IPO4: variants seen among roughly 807,000 people sequenced by gnomAD.
IPO4 encodes importin-4.
In IPO4, 91 loss-of-function variants were observed where a neutral mutation model predicts 133.5. That is an observed-to-expected ratio of 0.68 (90% CI 0.58 to 0.81). The LOEUF is 0.81. IPO4 is among the 30% of genes least tolerant of loss of function. The pLI is 0.00. For missense variants in IPO4, 1,279 were observed against 1,386.2 expected, an observed-to-expected ratio of 0.92 and a Z score of 1.23; for synonymous variants, 607 against 581.6, an observed-to-expected ratio of 1.04 and a Z score of -0.63.
chr14:24,184,743 G>T lies in IPO4; in HGVS notation c.1543C>A (p.Leu515Met), dbSNP rs1488506418. The T allele has an allele frequency of 6.2e-7, 1 of 1,612,954 alleles. No individual in the cohort carries two copies. Among genetic ancestry groups the T allele is most frequent in the Non-Finnish European group, 8.5e-7 (1 of 1,179,500 alleles). Residue 515 changes from leucine (L) to methionine (M), a missense_variant, in exon 16 of 30, where the codon CTG becomes ATG. Leu to Met is a conservative substitution (Grantham distance 15). Around this residue, in one of 3 missense-constraint regions of IPO4, gnomAD observed 695 missense variants for 704.1 expected, o/e 0.99. Transcript: ENST00000354464. The part of the protein sequence containing the change: ...GAIATAAQAS[L>M]LPYFPAIMEH... ...ATGATGGCAGGGAAGTAGGGCAGCA[G>T]CGAGGCCTGGGCAGCCGTAGCTGCA...
In IPO4 at chr14:24,185,329, G is replaced by A. The variant is rs2039203729; in HGVS notation, c.1279-17C>T. On this transcript the variant is annotated splice_polypyrimidine_tract_variant and intron_variant, in intron 13 of 29. Coordinates refer to ENST00000354464, the MANE Select transcript of IPO4 (RefSeq NM_024658.4). ...GATATGGGGCTGGGGGAGGGAGCAA[G>A]CAGGGCCTGAGTCAGGTTCACCTGC... 3 of 1,613,914 alleles carry A rather than the reference G, an allele frequency of 1.9e-6. No individual in the cohort carries two copies. The highest frequency in any genetic ancestry group is 2.2e-5 in the East Asian group (1 of 44,888).
Position 24,180,398 on chromosome 14 carries a change from C to T in IPO4, c.*44G>A, listed in dbSNP as rs1226893167. On this transcript the variant is annotated 3_prime_UTR_variant, in exon 30 of 30. Coordinates refer to ENST00000354464, the MANE Select transcript of IPO4 (RefSeq NM_024658.4). ...ACTGGGCTGAGAGGTGGTCTTAAGG[C>T]CTGGGCAGGCTCTATTCTCTCTGGA... 5 of 1,585,756 alleles carry T rather than the reference C, an allele frequency of 3.2e-6. No individual in the cohort carries two copies. In the Admixed American group the frequency reaches 5.2e-5, roughly 17 times the overall value.
chr14:24,180,336 G>T lies in IPO4; in HGVS notation c.*106C>A. 1 of 1,507,442 alleles carries T rather than the reference G, an allele frequency of 6.6e-7. No homozygotes were observed. Among genetic ancestry groups the T allele is most frequent in the Non-Finnish European group, 8.9e-7 (1 of 1,120,914 alleles). The allele number at this position is 1,507,442 out of a possible 1,614,324, so 93.4% of individuals were successfully genotyped here. A position where few individuals can be genotyped will look rare whatever the true frequency, so the allele number is the denominator to read the frequency against. On this transcript the variant is annotated 3_prime_UTR_variant, in exon 30 of 30. Transcript: ENST00000354464. ...CAGCAAGTGGGGCTGGCTCCAAATG[G>T]GTATGAGTCTCAGAATCTTTGGTAA...
rs776015389 is a variant in IPO4 at position 24,186,149 on chromosome 14, C to T, written c.1039G>A (p.Glu347Lys). The part of the protein sequence containing the change: ...VDMLALHLPP[E>K]KLCPQLMPML... The stretch of plus-strand genomic sequence containing the variant: ...CTTACCAGCTGGGGACAGAGCTTCT[C>T]GGGGGGCAGGTGTAGTGCCAGCATG... The change falls in exon 11 of 30, where the codon GAG (glutamate) becomes AAG (lysine). Residue 347 changes from glutamate (E) to lysine (K), a missense_variant. Coordinates refer to ENST00000354464, the MANE Select transcript of IPO4 (RefSeq NM_024658.4). The T allele has an allele frequency of 1.4e-5, 23 of 1,613,794 alleles. No homozygotes were observed. The highest frequency in any genetic ancestry group is 6.7e-5 in the East Asian group (3 of 44,890).
chr14:24,182,083 T>A lies in IPO4; in HGVS notation c.2679A>T (p.Ser893=). 6.2e-7 allele frequency: 1 copy of A among 1,614,010 alleles called. No individual in the cohort carries two copies. The highest frequency in any genetic ancestry group is 8.5e-7 in the Non-Finnish European group (1 of 1,180,020). The change falls in exon 26 of 30, where the codon TCA becomes TCT. Residue 893 remains serine (S), a synonymous_variant. Transcript: ENST00000354464. ...AETIQGLGAA[S]AQFVSRLLPV... ...GGAGCAGCCGAGACACAAACTGGGC[T>A]GAGGCAGCACCCAGGCCCTGAATAG... is the stretch of plus-strand genomic sequence containing the variant.
At chr14:24,185,817 C>A (rs757873057) in intron 12 of IPO4, 44 bp downstream of exon 12, 37 of 1,439,222 alleles carry the variant, frequency 2.6e-5, no homozygotes, top group Non-Finnish European at 3.5e-5. Flanking sequence ...CAGCCATGGT[C>A]CTCCCTGTGG....
Position 24,186,436 on chromosome 14 carries a change from G to A in IPO4, c.856C>T (p.Arg286Cys), listed in dbSNP as rs764589628. 6.3e-6 allele frequency: 10 copies of A among 1,591,822 alleles called. No homozygotes were observed. Among genetic ancestry groups the A allele is most frequent in the South Asian group, 2.3e-5 (2 of 88,078 alleles). The change falls in exon 10 of 30, where the codon CGT becomes TGT. Residue 286 changes from arginine to cysteine, a missense_variant. This residue lies in a region of IPO4 where 695 missense variants were observed against 704.1 expected (regional missense o/e 0.99). Coordinates refer to ENST00000354464, the MANE Select transcript of IPO4 (RefSeq NM_024658.4). The part of the protein sequence containing the change: ...KVKSKALLKN[R>C]LLPPLLHTLF... ...GTGTGCAGCAAGGGTGGCAGGAGAC[G>A]ATTCTTCAGTAAGGCCTTGACAGAG...
rs1335727679 is a variant in IPO4 at position 24,188,382 on chromosome 14, G to T, written c.198C>A (p.Asn66Lys). 1.7e-5 allele frequency: 28 copies of T among 1,613,184 alleles called. No homozygotes were observed. The highest frequency in any genetic ancestry group is 2.4e-5 in the Non-Finnish European group (28 of 1,179,928). ...CCGCCGCCAGCCGTCGCCAGCGGGT[G>T]TTCAGTCGTCTGCGGGTCAGCACGG... is the stretch of plus-strand genomic sequence containing the variant. ...FAAVLTRRRLNTRWRRLAAEQ... is the reference protein window; with the variant it reads ...FAAVLTRRRLKTRWRRLAAEQ... The change falls in exon 3 of 30, where the codon AAC becomes AAA. Residue 66 changes from asparagine (N) to lysine (K), a missense_variant. Physicochemically the swap from Asn to Lys is moderately conservative, Grantham distance 94. Transcript: ENST00000354464.
intron 10 of IPO4, 25 bp downstream of exon 10, chr14:24,186,262 C>G (rs771160483): frequency 5.6e-6 from 9 of 1,602,696 alleles, no homozygotes; most frequent in Non-Finnish European, 7.7e-6. Flanking sequence ...AACACCTTCC[C>G]CCTCTGTCCT....
Position 24,188,578 on chromosome 14 carries a change from G to A in IPO4, c.130C>T (p.Leu44=), listed in dbSNP as rs1347351208. Residue 44 remains leucine (L), a synonymous_variant, in exon 2 of 30, where the codon CTG becomes TTG. Coordinates refer to ENST00000354464, the MANE Select transcript of IPO4 (RefSeq NM_024658.4). ...APAALPALCD[L]LASAADPQIR... ...TGGGGGTCGGCCGCCGAGGCTAGCA[G>A]GTCGCAGAGAGCCGGCAAAGCGGCG... is the stretch of plus-strand genomic sequence containing the variant. The A allele has an allele frequency of 6.2e-7, 1 of 1,613,144 alleles. No homozygotes were observed. The highest frequency in any genetic ancestry group is 8.5e-7 in the Non-Finnish European group (1 of 1,179,786).
In IPO4 at chr14:24,186,919, T is replaced by G. The variant is rs763348892; in HGVS notation, c.715A>C (p.Ile239Leu). The G allele has an allele frequency of 2.5e-5, 40 of 1,614,006 alleles. No individual in the cohort carries two copies. The highest frequency in any genetic ancestry group is 3.1e-5 in the Non-Finnish European group (36 of 1,180,024). ...AGGACTTCAGAGAGGTAGGGGGTGA[T>G]GACCGGCACCTCTGACTCCAACAGT... ...DELLESEVPV[I>L]TPYLSEVLTF... The change falls in exon 8 of 30, where the codon ATC becomes CTC. Residue 239 changes from isoleucine (I) to leucine (L), a missense_variant. Transcript: ENST00000354464.
chr14:24,183,081 C>T lies in IPO4; in HGVS notation c.2316G>A (p.Leu772=), dbSNP rs1350093635. The part of the protein sequence containing the change: ...ERERQVVMAV[L]EALTGVLRSC... ...TGCGGAGCACCCCTGTCAGGGCCTCCAGCACGGCCATCACCACCTGGCGTT... is the reference window on the plus strand; with the variant it reads ...TGCGGAGCACCCCTGTCAGGGCCTCTAGCACGGCCATCACCACCTGGCGTT... The change falls in exon 23 of 30, where the codon CTG becomes CTA. Residue 772 remains leucine, a synonymous_variant. Coordinates refer to ENST00000354464, the MANE Select transcript of IPO4 (RefSeq NM_024658.4). The T allele has an allele frequency of 6.2e-7, 1 of 1,613,754 alleles. No homozygotes were observed. Among genetic ancestry groups the T allele is most frequent in the East Asian group, 2.2e-5 (1 of 44,898 alleles).
At chr14:24,187,272 A>G (rs1329910106) in intron 6 of IPO4, 122 bp from the exon 7 acceptor site, 6 of 1,455,014 alleles carry the variant, frequency 4.1e-6, no homozygotes, top group Admixed American at 1.7e-5. Flanking sequence ...CACCTACAGC[A>G]TCCCCTCTCA....
At position 24,183,024 on chromosome 14, in the gene IPO4, C is replaced by A. The variant is rs1186267249; in HGVS notation, c.2373G>T (p.Gly791=). 3 of 1,613,864 alleles carry A rather than the reference C, an allele frequency of 1.9e-6. No individual in the cohort carries two copies. The Admixed American group carries it at 5.0e-5, about 27-fold the overall frequency. ...GCACGCCACAGAGCTCAGCGAGGCG[C>A]CCAGGGGGCTTCAGTGTGAGGGTCC... is the stretch of plus-strand genomic sequence containing the variant. ...SCGTLTLKPP[G]RLAELCGVLK... The change falls in exon 23 of 30, where the codon GGG becomes GGT. Residue 791 remains glycine, a synonymous_variant. Coordinates refer to ENST00000354464, the MANE Select transcript of IPO4 (RefSeq NM_024658.4).
chr14:24,186,919 T>A lies in IPO4; in HGVS notation c.715A>T (p.Ile239Phe), dbSNP rs763348892. 6.2e-7 allele frequency: 1 copy of A among 1,614,124 alleles called. No homozygotes were observed. Among genetic ancestry groups the A allele is most frequent in the Non-Finnish European group, 8.5e-7 (1 of 1,180,016 alleles). The stretch of plus-strand genomic sequence containing the variant: ...AGGACTTCAGAGAGGTAGGGGGTGA[T>A]GACCGGCACCTCTGACTCCAACAGT... The part of the protein sequence containing the change: ...DELLESEVPV[I>F]TPYLSEVLTF... Residue 239 changes from isoleucine (I) to phenylalanine (F), a missense_variant, in exon 8 of 30, where the codon ATC (isoleucine) becomes TTC (phenylalanine). By Grantham distance (21) the Ile-to-Phe change is conservative (BLOSUM62 0). Around this residue, in one of 3 missense-constraint regions of IPO4, gnomAD observed 695 missense variants for 704.1 expected, o/e 0.99. Coordinates refer to ENST00000354464, the MANE Select transcript of IPO4 (RefSeq NM_024658.4).
chr14:24,185,783 T>G, intron 12 of IPO4, 78 bp downstream of exon 12: 1 of 1,184,188 alleles, frequency 8.4e-7, no homozygotes, highest in Non-Finnish European at 1.3e-6. Context: ...ATAAATAAGC[T>G]TGAACAACAA....
Position 24,183,461 on chromosome 14 carries a change from G to A in IPO4, c.2116C>T (p.Leu706=), listed in dbSNP as rs1218637291. Residue 706 remains leucine, a synonymous_variant, in exon 21 of 30, where the codon CTG becomes TTG. Transcript: ENST00000354464. The part of the protein sequence containing the change: ...ESVFEEVFKL[L]ECPHLNVRKA... The stretch of plus-strand genomic sequence containing the variant: ...CCACCCGCCGGCCCGCTCACCTCCA[G>A]CAGTTTAAATACTTCTTCAAAGACA... 6.2e-7 allele frequency: 1 copy of A among 1,612,140 alleles called. No homozygotes were observed. Among genetic ancestry groups the A allele is most frequent in the Non-Finnish European group, 8.5e-7 (1 of 1,178,994 alleles).
In IPO4 at chr14:24,184,375, C is replaced by T; in HGVS notation, c.1680G>A (p.Arg560=). Residue 560 remains arginine (R), a synonymous_variant, in exon 17 of 30, where the codon AGG becomes AGA. Coordinates refer to ENST00000354464, the MANE Select transcript of IPO4 (RefSeq NM_024658.4). ...VLARAVGEPM[R]PLAEECCQLG... The stretch of plus-strand genomic sequence containing the variant: ...GCTGGCAGCATTCCTCAGCCAGCGG[C>T]CTCATGGGCTCCCCCACTGCTCGTG... 6.2e-7 allele frequency: 1 copy of T among 1,607,896 alleles called. No homozygotes were observed. The highest frequency in any genetic ancestry group is 8.5e-7 in the Non-Finnish European group (1 of 1,177,680).
Position 24,180,433 on chromosome 14 carries a change from G to GC in IPO4, c.*8dup. ...CTCTATTCTCTCTGGACTGGCTGCA[G>GC]CCTGCAGTCTAGGAGAGGCCCAGTA... is the stretch of plus-strand genomic sequence containing the variant. On this transcript the variant is annotated 3_prime_UTR_variant, in exon 30 of 30. Transcript: ENST00000354464. 1 of 1,603,310 alleles carries GC rather than the reference G, an allele frequency of 6.2e-7. No homozygotes were observed. Among genetic ancestry groups the GC allele is most frequent in the Non-Finnish European group, 8.5e-7 (1 of 1,171,986 alleles).
Sources: allele counts gnomAD v4.1 joint callset, GRCh38; gene constraint gnomAD v4.1.1; regional missense constraint gnomAD v4.1.1; transcripts MANE v1.5; gene names NCBI Gene and HGNC (gene_info 2026-07-23, HGNC 2026-07-21).